The following KPNA1 variants were observed in gnomAD, a reference collection of about 807,000 sequenced individuals.
KPNA1 encodes importin subunit alpha-5.
Under a neutral mutation model 70.5 loss-of-function variants are expected in KPNA1, and 10 were observed. The observed-to-expected ratio is 0.14, with a 90% CI of 0.09 to 0.24. The LOEUF (loss-of-function observed/expected upper bound fraction) is 0.24. Ranked by LOEUF, KPNA1 falls within the 10% of genes least tolerant of loss-of-function variation. The probability of loss-of-function intolerance (pLI) is 1.00; values close to 1 mark genes in which losing one functional copy is unlikely to be tolerated. For missense variants in KPNA1, 397 were observed against 637.9 expected (o/e 0.62, Z 4.07); for synonymous variants, 192 against 221.9 (o/e 0.87, Z 1.20).
At chr3:122,500,263 A>G (rs1447245876) in intron 1 of KPNA1, among the ~76,000 whole-genome samples, 1 of 151,932 alleles carries the variant, frequency 6.6e-6, no homozygotes, top group East Asian at 1.9e-4. Context: ...CTGGGATTAT[A>G]GGCATGCACC....
chr3:122,452,846 A>G (rs1014934570), intron 6 of KPNA1, among the ~76,000 whole-genome samples: 5 of 152,120 alleles, frequency 3.3e-5, no homozygotes, highest in Non-Finnish European at 5.9e-5. Flanking sequence ...ACAGAAAGAA[A>G]AAAAGAGACA....
intron 4 of KPNA1, among the ~76,000 whole-genome samples, chr3:122,461,598 G>A (rs915990340): frequency 6.6e-6 from 1 of 152,012 alleles, no homozygotes; most frequent in African/African-American, 2.4e-5. Flanking sequence ...AAAAAGCAGG[G>A]GGCAAAAAAC....
At chr3:122,448,972 A>G (rs1440904125) in intron 9 of KPNA1, among the ~76,000 whole-genome samples, 1 of 152,236 alleles carries the variant, frequency 6.6e-6, no homozygotes, top group Non-Finnish European at 1.5e-5. Context: ...TATCTAATAT[A>G]TTCCAAATGT....
intron 5 of KPNA1, chr3:122,459,813 T>A (rs762063585): frequency 3.5e-5 from 34 of 985,242 alleles, no homozygotes; most frequent in Non-Finnish European, 4.0e-5. Context: ...AAGGAACTCA[T>A]CACCGCAACA....
rs2075788213 is a variant in KPNA1, at chr3:122,423,935, T to C, written c.*3050A>G. The C allele has an allele frequency of 6.6e-6, 1 of 152,244 alleles. No individual in the cohort carries two copies. The highest frequency in any genetic ancestry group is 1.5e-5 in the Non-Finnish European group (1 of 68,042). 9.4% of individuals were successfully genotyped at this position (152,244 alleles called of 1,614,324 possible). The stretch of plus-strand genomic sequence containing the variant: ...CAAAGATAAGCGTTTAAAAGGGTCT[T>C]GATCAATTAGTTACAGGAACATGAA... On this transcript the variant is annotated 3_prime_UTR_variant, in exon 14 of 14. Coordinates refer to ENST00000344337, the MANE Select transcript of KPNA1 (RefSeq NM_002264.4).
chr3:122,486,001 C>T (rs1218950097), intron 2 of KPNA1, among the ~76,000 whole-genome samples: 4 of 152,082 alleles, frequency 2.6e-5, no homozygotes, highest in Non-Finnish European at 5.9e-5. Context: ...CAATGATGTG[C>T]AGCAACTCAA....
intron 10 of KPNA1, among the ~76,000 whole-genome samples, chr3:122,440,002 T>C (rs995991479): frequency 6.6e-6 from 1 of 152,194 alleles, no homozygotes; most frequent in African/African-American, 2.4e-5. Flanking sequence ...AGCAGAAATA[T>C]GTAAGAAACT....
intron 1 of KPNA1, among the ~76,000 whole-genome samples, chr3:122,508,247 T>A (rs1041787451): frequency 4.6e-5 from 7 of 152,134 alleles, no homozygotes; most frequent in African/African-American, 1.7e-4. Context: ...TATATGTCAC[T>A]AGCAAAGTGG....
At chr3:122,438,911 G>C (rs562366752) in intron 10 of KPNA1, among the ~76,000 whole-genome samples, 4 of 152,008 alleles carry the variant, frequency 2.6e-5, no homozygotes, top group African/African-American at 7.2e-5. Context: ...GTCAAAAATC[G>C]TAACAGATTT....
rs1277723531 is a variant in KPNA1, at chr3:122,507,419, C to T, written c.-6+7338G>A. Among the ~76,000 whole-genome samples, 24 of 131,150 alleles carry T rather than the reference C, an allele frequency of 1.8e-4. No homozygotes were observed. In the East Asian group the frequency reaches 5.1e-3, roughly 28 times the overall value. 86.0% of individuals were successfully genotyped at this position (131,150 alleles called of 152,430 possible). A position where few individuals can be genotyped will look rare whatever the true frequency, so the allele number is the denominator to read the frequency against. On this transcript the variant is annotated intron_variant, in intron 1 of 13. Transcript: ENST00000344337. ...TTGTGCCATTGCACTCCAGCCTGGG[C>T]GACAGAGCAAGACTCCATCTCAAAA...
chr3:122,484,103 G>C (rs1302264105), intron 2 of KPNA1, among the ~76,000 whole-genome samples: 2 of 152,156 alleles, frequency 1.3e-5, no homozygotes, highest in Non-Finnish European at 2.9e-5. Flanking sequence ...TACTGCAAAA[G>C]ATTGAAAATT....
intron 12 of KPNA1, among the ~76,000 whole-genome samples, chr3:122,429,151 A>AT (rs2075863502): frequency 6.6e-6 from 1 of 152,168 alleles, no homozygotes; most frequent in African/African-American, 2.4e-5. Context: ...CCTATTCATG[A>AT]TAAAAACTCA....
In KPNA1 at chr3:122,424,575, T is replaced by C. The variant is rs1366181091; in HGVS notation, c.*2410A>G. The C allele has an allele frequency of 1.3e-5, 2 of 152,638 alleles. No homozygotes were observed. The highest frequency in any genetic ancestry group is 3.8e-4 in the East Asian group (2 of 5,202). 9.5% of individuals were successfully genotyped at this position (152,638 alleles called of 1,614,324 possible). A position where few individuals can be genotyped will look rare whatever the true frequency, so the allele number is the denominator to read the frequency against. ...TTAGACACAAAATAGATCACGTCAG[T>C]TAAATAGACTTTGTTTTAATTCACT... On this transcript the variant is annotated 3_prime_UTR_variant, in exon 14 of 14. Transcript: ENST00000344337.
intron 2 of KPNA1, among the ~76,000 whole-genome samples, chr3:122,485,174 A>G (rs2076615927): frequency 6.6e-6 from 1 of 152,174 alleles, no homozygotes; most frequent in Non-Finnish European, 1.5e-5. Flanking sequence ...TCGGCCTCCC[A>G]AAGTGCTGAG....
At chr3:122,431,350 T>G (rs1330821698) in intron 12 of KPNA1, among the ~76,000 whole-genome samples, 1 of 152,060 alleles carries the variant, frequency 6.6e-6, no homozygotes, top group Admixed American at 6.6e-5. Context: ...AGAGACAAGG[T>G]TTCTCCATGT....
intron 1 of KPNA1, among the ~76,000 whole-genome samples, chr3:122,512,104 A>C (rs2076961451): frequency 6.6e-6 from 1 of 152,184 alleles, no homozygotes; most frequent in Non-Finnish European, 1.5e-5. Context: ...AGTTGAGACT[A>C]AAGAAAATTA....
At chr3:122,491,327 A>G (rs2076695683) in intron 2 of KPNA1, among the ~76,000 whole-genome samples, 1 of 152,252 alleles carries the variant, frequency 6.6e-6, no homozygotes, top group African/African-American at 2.4e-5. Context: ...TGCTCGTCCA[A>G]TATTTGACTT....
At chr3:122,430,088 G>A (rs1239068801) in intron 12 of KPNA1, among the ~76,000 whole-genome samples, 1 of 151,780 alleles carries the variant, frequency 6.6e-6, no homozygotes, top group Non-Finnish European at 1.5e-5. Flanking sequence ...AAATTCTTCA[G>A]TGCTGGGAAT....
chr3:122,482,844 C>T (rs2076586710), intron 2 of KPNA1: 1 of 152,096 alleles, frequency 6.6e-6, no homozygotes, highest in Non-Finnish European at 1.5e-5. Flanking sequence ...TAAAGATGAC[C>T]TAACCCCCGC....
Sources: allele counts gnomAD v4.1 joint callset (sites outside exome capture counted in the v4.1 genomes callset), GRCh38; gene constraint gnomAD v4.1.1; transcripts MANE v1.5; gene names NCBI Gene and HGNC (gene_info 2026-07-23, HGNC 2026-07-21).